The following SLC22A15 variants were observed in gnomAD, a reference collection of about 807,000 sequenced individuals.
The protein encoded by SLC22A15 is solute carrier family 22 member 15.
A neutral mutation model predicts 62.7 loss-of-function variants in SLC22A15; 45 were observed. The ratio of observed to expected loss-of-function variants is 0.72; its 90% CI spans 0.56 to 0.92. SLC22A15 has a LOEUF of 0.92. SLC22A15 is among the 40% of genes least tolerant of loss of function. SLC22A15 has a pLI of 0.00. For synonymous variants in SLC22A15, 264 were observed against 267.0 expected (o/e 0.99, Z 0.11); for missense variants, 622 against 665.6 (o/e 0.93, Z 0.72).
chr1:116,001,724 C>T (rs1391778991), intron 2 of SLC22A15, among the ~76,000 whole-genome samples: 3 of 152,036 alleles, frequency 2.0e-5, no homozygotes, highest in Non-Finnish European at 4.4e-5. Context: ...TGACAGGATT[C>T]TGAATTCCTT....
Position 116,069,033 on chromosome 1 carries a change from T to C in SLC22A15, c.*1925T>C, listed in dbSNP as rs1046716061. ...AACCAGTGTTATGACTTTGTTCCAT[T>C]TGAAGACTAATTGGGAGTCCATCTC... On this transcript the variant is annotated 3_prime_UTR_variant, in exon 12 of 12. Coordinates refer to ENST00000369503, the MANE Select transcript of SLC22A15 (RefSeq NM_018420.3). The C allele has an allele frequency of 3.9e-5, 6 of 152,228 alleles. No homozygotes were observed. The highest frequency in any genetic ancestry group is 1.4e-4 in the African/African-American group (6 of 41,468). 9.4% of individuals were successfully genotyped at this position (152,228 alleles called of 1,614,324 possible).
intron 8 of SLC22A15, among the ~76,000 whole-genome samples, chr1:116,054,310 G>T (rs1322147988): frequency 6.6e-6 from 1 of 151,608 alleles, no homozygotes; most frequent in Admixed American, 6.6e-5. Flanking sequence ...GACAAAGAAG[G>T]CCATTACATA....
At chr1:115,978,500 A>G (rs1023529875) in intron 1 of SLC22A15, among the ~76,000 whole-genome samples, 4 of 152,036 alleles carry the variant, frequency 2.6e-5, no homozygotes, top group African/African-American at 9.7e-5. Flanking sequence ...TGAGTGACTG[A>G]TTGTTTATCT....
chr1:115,983,395 A>G (rs1654703596), intron 1 of SLC22A15, among the ~76,000 whole-genome samples: 2 of 152,210 alleles, frequency 1.3e-5, no homozygotes, highest in Non-Finnish European at 2.9e-5. Context: ...TCATAGTTCT[A>G]CTGGAGAAGC....
At chr1:116,017,089 A>T (rs998226176) in intron 2 of SLC22A15, among the ~76,000 whole-genome samples, 1 of 151,724 alleles carries the variant, frequency 6.6e-6, no homozygotes, top group African/African-American at 2.4e-5. Context: ...ATTTCATACC[A>T]CCTCCACTAG....
In SLC22A15 at chr1:116,037,389, G is replaced by A; in HGVS notation, c.1171+1G>A. ...GTAATGTTTCTTCCAGAAAAGAAAG[G>A]TATGCCTTTCAAATTTCTACAAGGG... On this transcript the variant is annotated splice_donor_variant, in intron 8 of 11. Coordinates refer to ENST00000369503, the MANE Select transcript of SLC22A15 (RefSeq NM_018420.3). LOFTEE classifies it high-confidence loss of function. 1.2e-6 allele frequency: 2 copies of A among 1,610,006 alleles called. No homozygotes were observed. The highest frequency in any genetic ancestry group is 1.7e-6 in the Non-Finnish European group (2 of 1,176,500).
Position 116,062,860 on chromosome 1 carries a change from G to A in SLC22A15, c.1270G>A (p.Glu424Lys). ...AFNIVYIYTS[E>K]LYPTVIRNVG... ...TAACATTGTTTATATCTACACCTCT[G>A]AGCTTTACCCTACAGTCATCAGGTA... Residue 424 changes from glutamate to lysine, a missense_variant, in exon 9 of 12, where the codon GAG becomes AAG. By Grantham distance (56) the Glu-to-Lys change is moderately conservative (BLOSUM62 1). Transcript: ENST00000369503. The A allele has an allele frequency of 6.2e-7, 1 of 1,613,762 alleles. No homozygotes were observed. The highest frequency in any genetic ancestry group is 8.5e-7 in the Non-Finnish European group (1 of 1,179,742).
chr1:116,032,555 T>G (rs762402078), intron 6 of SLC22A15: 23 of 985,252 alleles, frequency 2.3e-5, no homozygotes, highest in Non-Finnish European at 2.8e-5. Flanking sequence ...CAAAGATATT[T>G]TTCTATATCA....
chr1:116,062,689 C>G, intron 8 of SLC22A15, 73 bp from the exon 9 acceptor site: 9 of 1,579,822 alleles, frequency 5.7e-6, no homozygotes, highest in Non-Finnish European at 7.8e-6. Context: ...CCTGCTCCAT[C>G]AAAATGAAAT....
chr1:115,978,689 A>G (rs751827972), intron 1 of SLC22A15, among the ~76,000 whole-genome samples: 192 of 152,138 alleles, frequency 1.3e-3, no homozygotes, highest in Non-Finnish European at 2.4e-3. Context: ...ATGAGAGTGG[A>G]TATCCCCAAA....
chr1:116,005,016 C>T (rs1655907549), intron 2 of SLC22A15, among the ~76,000 whole-genome samples: 1 of 152,192 alleles, frequency 6.6e-6, no homozygotes, highest in Admixed American at 6.5e-5. Context: ...GAAATGATTT[C>T]CCTTCTTTTA....
chr1:116,057,312 A>G (rs1658235741), intron 8 of SLC22A15, among the ~76,000 whole-genome samples: 1 of 152,010 alleles, frequency 6.6e-6, no homozygotes, highest in African/African-American at 2.4e-5. Flanking sequence ...AAAAATGCTC[A>G]TCATCACTCG....
chr1:115,998,955 G>A lies in SLC22A15; in HGVS notation c.300+6712G>A, dbSNP rs115214533. On this transcript the variant is annotated intron_variant, in intron 2 of 11. Coordinates refer to ENST00000369503, the MANE Select transcript of SLC22A15 (RefSeq NM_018420.3). ...TCCTCTTATTACTGCTGTATTCCATGGATTTTGGTATATTGTATTTCTATT... is the reference window on the plus strand; with the variant it reads ...TCCTCTTATTACTGCTGTATTCCATAGATTTTGGTATATTGTATTTCTATT... Among the ~76,000 whole-genome samples, 1,125 of 152,034 alleles carry A rather than the reference G, an allele frequency of 7.4e-3. 19 individuals carry two copies. The highest frequency in any genetic ancestry group is 0.025 in the African/African-American group (1,039 of 41,498).
chr1:116,023,714 G>A (rs1402300248), intron 4 of SLC22A15, among the ~76,000 whole-genome samples: 1 of 152,170 alleles, frequency 6.6e-6, no homozygotes, highest in Admixed American at 6.5e-5. Context: ...AGAAAATGAA[G>A]CAGGGTAATG....
chr1:115,982,937 C>A (rs1654685172), intron 1 of SLC22A15, among the ~76,000 whole-genome samples: 1 of 152,182 alleles, frequency 6.6e-6, no homozygotes, highest in South Asian at 2.1e-4. Context: ...TCTATGTAAT[C>A]CATCAGTTAT....
At chr1:116,025,264 A>T (rs1345876847) in intron 4 of SLC22A15, among the ~76,000 whole-genome samples, 1 of 152,112 alleles carries the variant, frequency 6.6e-6, no homozygotes, top group East Asian at 1.9e-4. Flanking sequence ...AGTGCTCAGG[A>T]CTATTCTGAG....
At chr1:116,043,691 C>G (rs1286257933) in intron 8 of SLC22A15, among the ~76,000 whole-genome samples, 1 of 151,682 alleles carries the variant, frequency 6.6e-6, no homozygotes, top group Non-Finnish European at 1.5e-5. Context: ...ATCCTTAAGA[C>G]CAATACAATT....
Position 116,037,401 on chromosome 1 carries a change from A to G in SLC22A15, c.1171+13A>G. The G allele has an allele frequency of 6.3e-7, 1 of 1,587,982 alleles. No individual in the cohort carries two copies. Among genetic ancestry groups the G allele is most frequent in the Non-Finnish European group, 8.6e-7 (1 of 1,156,468 alleles). ...CCAGAAAAGAAAGGTATGCCTTTCA[A>G]ATTTCTACAAGGGTTTTGAACAGTA... On this transcript the variant is annotated intron_variant, in intron 8 of 11. Coordinates refer to ENST00000369503, the MANE Select transcript of SLC22A15 (RefSeq NM_018420.3).
intron 8 of SLC22A15, among the ~76,000 whole-genome samples, chr1:116,040,227 A>G (rs1000407794): frequency 6.6e-6 from 1 of 152,212 alleles, no homozygotes; most frequent in Non-Finnish European, 1.5e-5. Flanking sequence ...GTTAGACAGA[A>G]GTGTCCTGCC....
Sources: gnomAD v4.1 joint callset for allele counts (sites outside exome capture counted in the v4.1 genomes callset) on GRCh38, gnomAD v4.1.1 for gene constraint, MANE v1.5 for transcripts, NCBI Gene and HGNC (gene_info 2026-07-23, HGNC 2026-07-21) for gene names.